Variants in DMD observed in about 807,000 individuals in gnomAD.
DMD encodes mutant dystrophin.
Under a neutral mutation model 330.1 loss-of-function variants are expected in DMD, and 63 were observed. The observed-to-expected ratio is 0.19, with a 90% CI of 0.16 to 0.24. DMD has a LOEUF of 0.24. Ranked by LOEUF, DMD falls within the 10% of genes least tolerant of loss-of-function variation. DMD has a pLI of 1.00. For synonymous variants in DMD, 1,223 were observed against 959.8 expected (o/e 1.27, Z -5.07); for missense variants, 3,344 against 2,684.1 (o/e 1.25, Z -5.43).
At chrX:33,101,623 T>A (rs2095240421) in intron 1 of DMD, among the ~76,000 whole-genome samples, 1 of 109,230 alleles carries the variant, frequency 9.2e-6, no homozygotes, top group South Asian at 3.9e-4. Flanking sequence ...AGAGCAAGAC[T>A]CCATCTCTCA....
At chrX:32,074,183 T>C (rs1177614169) in intron 44 of DMD, among the ~76,000 whole-genome samples, 1 of 111,685 alleles carries the variant, frequency 9.0e-6, no homozygotes, top group Non-Finnish European at 1.9e-5. Flanking sequence ...ATGATACTAT[T>C]TATCTGTTCA....
chrX:31,579,519 T>C (rs1390488813), intron 55 of DMD, among the ~76,000 whole-genome samples: 1 of 112,078 alleles, frequency 8.9e-6, no homozygotes, highest in Non-Finnish European at 1.9e-5. Flanking sequence ...TGCTGAACAG[T>C]AGTGGTAGGG....
At chrX:32,663,499 T>A (rs1292865164) in intron 9 of DMD, among the ~76,000 whole-genome samples, 1 of 111,936 alleles carries the variant, frequency 8.9e-6, no homozygotes, top group African/African-American at 3.2e-5. Flanking sequence ...ATACATTCAA[T>A]ACATCATAAC....
chrX:32,647,414 C>T (rs180722442), intron 9 of DMD, among the ~76,000 whole-genome samples: 1 of 111,632 alleles, frequency 9.0e-6, no homozygotes, highest in East Asian at 2.8e-4. Context: ...AGGTTGCTGG[C>T]AGCCCTGGGA....
chrX:32,554,257 A>G (rs1388451712), intron 16 of DMD, among the ~76,000 whole-genome samples: 8 of 111,881 alleles, frequency 7.2e-5, no homozygotes, highest in Non-Finnish European at 1.5e-4. Flanking sequence ...AGAAATAACC[A>G]AGATCAGAGC....
chrX:32,808,319 C>T (rs1051908968), intron 7 of DMD, among the ~76,000 whole-genome samples: 2 of 112,357 alleles, frequency 1.8e-5, no homozygotes, highest in African/African-American at 6.5e-5. Context: ...TTGTAATTTG[C>T]TTTCCCAAGT....
intron 29 of DMD, among the ~76,000 whole-genome samples, chrX:32,422,340 G>C (rs2098193480): frequency 9.0e-6 from 1 of 111,670 alleles, no homozygotes; most frequent in Non-Finnish European, 1.9e-5. Context: ...ATCAGAGGGA[G>C]TCAAAAGTGG....
chrX:33,295,939 G>A (rs1277241567), intron 1 of DMD, among the ~76,000 whole-genome samples: 1 of 111,544 alleles, frequency 9.0e-6, no homozygotes, highest in Non-Finnish European at 1.9e-5. Flanking sequence ...CATGGGGGAT[G>A]AGCTAATATG....
At chrX:31,178,513 C>A in intron 70 of DMD, 156 bp downstream of exon 70, 4 of 966,501 alleles carry the variant, frequency 4.1e-6, no homozygotes, top group Admixed American at 4.4e-5. Flanking sequence ...AAAGTGGCAA[C>A]TGGACATCAG....
chrX:31,508,244 C>T lies in DMD; in HGVS notation c.8218-791G>A, dbSNP rs750548851. On this transcript the variant is annotated intron_variant, in intron 55 of 78. Coordinates refer to ENST00000357033, the MANE Select transcript of DMD (RefSeq NM_004006.3). ...ATGTCTTCCTGTGTAACATTTTCAG[C>T]TTGAACCGGGCACTACAGCACTGAT... The T allele has an allele frequency of 1.0e-5, 12 of 1,205,504 alleles. No homozygotes were observed. In the Admixed American group the frequency reaches 2.4e-4, roughly 24 times the overall value.
chrX:32,845,940 A>G (rs1395683079), intron 3 of DMD, among the ~76,000 whole-genome samples: 1 of 112,084 alleles, frequency 8.9e-6, no homozygotes, highest in East Asian at 2.8e-4. Context: ...TCTGCATTTG[A>G]GGTCAAAGCC....
At chrX:31,697,477 C>A (rs2083518451) in intron 52 of DMD, among the ~76,000 whole-genome samples, 1 of 111,141 alleles carries the variant, frequency 9.0e-6, no homozygotes, top group African/African-American at 3.3e-5. Context: ...CTCAGGATGA[C>A]AGACTGAGAC....
At chrX:32,930,298 G>GTTAAGTTGAACTACTGTA (rs2146682072) in intron 2 of DMD, among the ~76,000 whole-genome samples, 1 of 110,779 alleles carries the variant, frequency 9.0e-6, no homozygotes, top group South Asian at 3.8e-4. Context: ...TCGAAAAATT[G>GTTAAGTTGAACTACTGTA]TTAAGTTGAA....
intron 48 of DMD, among the ~76,000 whole-genome samples, chrX:31,842,080 A>T: frequency 8.9e-6 from 1 of 111,838 alleles, no homozygotes; most frequent in South Asian, 3.8e-4. Flanking sequence ...AAAATTTGTG[A>T]TTCATAGAAA....
At chrX:32,455,849 T>C (rs1313383777) in intron 25 of DMD, among the ~76,000 whole-genome samples, 1 of 111,444 alleles carries the variant, frequency 9.0e-6, no homozygotes, top group Admixed American at 9.5e-5. Flanking sequence ...AGAAAACATC[T>C]GCTATTTAAA....
chrX:32,213,866 C>T (rs1490386138), intron 44 of DMD, among the ~76,000 whole-genome samples: 3 of 109,467 alleles, frequency 2.7e-5, no homozygotes, highest in South Asian at 4.0e-4. Flanking sequence ...CCCAGCTACT[C>T]GGGAGGCTAA....
At chrX:32,716,220 G>T (rs751911593) in intron 7 of DMD, among the ~76,000 whole-genome samples, 50 of 111,116 alleles carry the variant, frequency 4.5e-4, no homozygotes, top group African/African-American at 1.5e-3. Context: ...ATGTTGAGTT[G>T]TGTTCCCCAG....
intron 7 of DMD, among the ~76,000 whole-genome samples, chrX:32,734,949 C>A (rs2068237946): frequency 9.2e-6 from 1 of 108,470 alleles, no homozygotes; most frequent in Non-Finnish European, 1.9e-5. Context: ...AAAGGGTATT[C>A]AATTAGGAAA....
intron 2 of DMD, among the ~76,000 whole-genome samples, chrX:32,877,670 A>T (rs781671453): frequency 6.9e-4 from 77 of 111,889 alleles, no homozygotes; most frequent in Non-Finnish European, 1.3e-3. Context: ...TCTTTAGATG[A>T]CTGTCTTCAG....
Sources: gnomAD v4.1 joint callset for allele counts (sites outside exome capture counted in the v4.1 genomes callset) on GRCh38, gnomAD v4.1.1 for gene constraint, MANE v1.5 for transcripts, NCBI Gene and HGNC (gene_info 2026-07-23, HGNC 2026-07-21) for gene names.